ARB2A: variants seen among roughly 807,000 people sequenced by gnomAD.
ARB2A encodes ARB2 cotranscriptional regulator A.
the ARB2A span, chr5:93,824,121 A>AAATAAG: frequency 6.5e-7 from 1 of 1,542,126 alleles, no homozygotes; most frequent in East Asian, 2.4e-5. Flanking sequence ...GGAGACTGGA[A>AAATAAG]CTACAGAGAG....
the ARB2A span, among the ~76,000 whole-genome samples, chr5:93,980,363 T>C: frequency 6.6e-6 from 1 of 152,174 alleles, no homozygotes; most frequent in African/African-American, 2.4e-5. Context: ...CATGCTTCAT[T>C]ATCTGCTTGC....
At chr5:93,683,324 T>A in the ARB2A span, 4 of 1,603,684 alleles carry the variant, frequency 2.5e-6, no homozygotes, top group Non-Finnish European at 2.5e-6. Flanking sequence ...GAGTTTCACA[T>A]CCTCCTCCTC....
At chr5:93,722,986 AG>A in the ARB2A span, among the ~76,000 whole-genome samples, 1 of 152,156 alleles carries the variant, frequency 6.6e-6, no homozygotes, top group Non-Finnish European at 1.5e-5. Context: ...ATGTAGTCTA[AG>A]GCTGGTAGGA....
At chr5:93,747,571 C>A in the ARB2A span, among the ~76,000 whole-genome samples, 1 of 152,140 alleles carries the variant, frequency 6.6e-6, no homozygotes, top group Non-Finnish European at 1.5e-5. Context: ...AGCATTCAGT[C>A]AGCTTATCAA....
chr5:93,631,105 G>A, the ARB2A span, among the ~76,000 whole-genome samples: 1 of 151,816 alleles, frequency 6.6e-6, no homozygotes, highest in Admixed American at 6.6e-5. Flanking sequence ...GGCTGGTCTC[G>A]AACTCCTGAG....
chr5:93,824,438 T>C, the ARB2A span, among the ~76,000 whole-genome samples: 8 of 152,088 alleles, frequency 5.3e-5, no homozygotes, highest in East Asian at 1.4e-3. Flanking sequence ...TTAGAGAATA[T>C]GAGAGGACTT....
chr5:93,940,603 C>T, the ARB2A span, among the ~76,000 whole-genome samples: 4 of 151,840 alleles, frequency 2.6e-5, no homozygotes, highest in Admixed American at 2.6e-4. Flanking sequence ...CAAACAATAT[C>T]AGAATATCAG....
chr5:93,631,623 G>C, the ARB2A span, among the ~76,000 whole-genome samples: 1 of 152,188 alleles, frequency 6.6e-6, no homozygotes, highest in African/African-American at 2.4e-5. Flanking sequence ...AACACACTTA[G>C]CAAAGAGCTT....
the ARB2A span, among the ~76,000 whole-genome samples, chr5:93,883,713 T>C: frequency 2.0e-5 from 3 of 151,614 alleles, no homozygotes; most frequent in Admixed American, 1.3e-4. Context: ...AAGAACACTG[T>C]TGCACTCTGC....
At chr5:93,980,663 TTGAGA>T in the ARB2A span, among the ~76,000 whole-genome samples, 1 of 152,184 alleles carries the variant, frequency 6.6e-6, no homozygotes, top group Admixed American at 6.5e-5. Context: ...AGTAATTTTA[TTGAGA>T]TAAGTTATCT....
At chr5:93,669,177 G>A in the ARB2A span, among the ~76,000 whole-genome samples, 1 of 152,138 alleles carries the variant, frequency 6.6e-6, no homozygotes, top group Admixed American at 6.5e-5. Flanking sequence ...CATACAAAGT[G>A]AAAATAAAAA....
the ARB2A span, among the ~76,000 whole-genome samples, chr5:93,655,827 A>G: frequency 6.6e-6 from 1 of 152,218 alleles, no homozygotes; most frequent in Admixed American, 6.5e-5. Flanking sequence ...TAGCTAAAGG[A>G]GAGCCACCTT....
chr5:94,042,497 G>T, the ARB2A span, among the ~76,000 whole-genome samples: 1 of 151,774 alleles, frequency 6.6e-6, no homozygotes, highest in Non-Finnish European at 1.5e-5. Flanking sequence ...AGTAGAGATG[G>T]GTTTTCACCG....
At chr5:93,866,357 T>G in the ARB2A span, 190 of 907,350 alleles carry the variant, frequency 2.1e-4, 1 homozygote, top group African/African-American at 3.1e-3. Flanking sequence ...AGGAACAGTG[T>G]TTTCAACTAA....
the ARB2A span, among the ~76,000 whole-genome samples, chr5:93,792,181 CTTGT>C: frequency 1.3e-5 from 2 of 152,120 alleles, no homozygotes; most frequent in African/African-American, 4.8e-5. Context: ...ATCATGTTGA[CTTGT>C]TTGATTAAAA....
the ARB2A span, among the ~76,000 whole-genome samples, chr5:93,879,868 A>G: frequency 6.6e-6 from 1 of 151,886 alleles, no homozygotes; most frequent in African/African-American, 2.4e-5. Flanking sequence ...GGTATTCCTT[A>G]TAATTTTATA....
chr5:93,753,648 T>C, the ARB2A span, among the ~76,000 whole-genome samples: 1 of 152,228 alleles, frequency 6.6e-6, no homozygotes, highest in Non-Finnish European at 1.5e-5. Context: ...TTTTCCTTTC[T>C]TCTTTTTAAA....
the ARB2A span, chr5:93,776,112 C>T: frequency 1.4e-6 from 2 of 1,430,698 alleles, no homozygotes; most frequent in Non-Finnish European, 1.9e-6. Context: ...GCATATTTTT[C>T]ACCCTGAAAA....
At chr5:93,760,081 T>A in the ARB2A span, among the ~76,000 whole-genome samples, 1 of 152,172 alleles carries the variant, frequency 6.6e-6, no homozygotes, top group Admixed American at 6.5e-5. Context: ...CACAAATCGG[T>A]AGCTCTTCTA....
Sources: gnomAD v4.1 joint callset for allele counts (sites outside exome capture counted in the v4.1 genomes callset) on GRCh38, gnomAD v4.1.1 for gene constraint, MANE v1.5 for transcripts, NCBI Gene and HGNC (gene_info 2026-07-23, HGNC 2026-07-21) for gene names.